The following NSD2 variants were observed in gnomAD, a reference collection of about 807,000 sequenced individuals.
The protein encoded by NSD2 is nuclear receptor binding SET domain protein 2.
NSD2 carries 12 observed loss-of-function variants against 139.0 expected under a neutral mutation model. That is an observed-to-expected ratio of 0.09 (90% CI 0.06 to 0.14). The LOEUF (loss-of-function observed/expected upper bound fraction) is 0.14. Among genes scored for constraint, NSD2 ranks in the 10% least tolerant of loss-of-function variants. NSD2 has a pLI of 1.00. For missense variants in NSD2, 1,155 were observed against 1,745.0 expected, an observed-to-expected ratio of 0.66 and a Z score of 6.02; for synonymous variants, 669 against 648.7, an observed-to-expected ratio of 1.03 and a Z score of -0.48.
chr4:1,891,799 G>A (rs1438311360), intron 1 of NSD2, among the ~76,000 whole-genome samples: 1 of 150,798 alleles, frequency 6.6e-6, no homozygotes, highest in Non-Finnish European at 1.5e-5. Flanking sequence ...GGAGCTTGCA[G>A]TGAGCCGAGA....
chr4:1,873,783 A>G (rs1250354652), intron 1 of NSD2, among the ~76,000 whole-genome samples: 2 of 101,160 alleles, frequency 2.0e-5, no homozygotes, highest in East Asian at 1.0e-3. Context: ...TCTCTTTACC[A>G]AGCAAGAACT....
intron 9 of NSD2, chr4:1,940,056 C>G: frequency 7.7e-7 from 1 of 1,299,684 alleles, no homozygotes. Flanking sequence ...TTCTTAAAAT[C>G]TGTCTGAAGA....
At chr4:1,896,312 G>A (rs1716293026) in intron 1 of NSD2, among the ~76,000 whole-genome samples, 1 of 152,244 alleles carries the variant, frequency 6.6e-6, no homozygotes, top group African/African-American at 2.4e-5. Flanking sequence ...GCAGCCTGCA[G>A]CCTATGAGGC....
At chr4:1,943,817 T>TAG (rs1560722010) in intron 9 of NSD2, 213 of 1,062,310 alleles carry the variant, frequency 2.0e-4, no homozygotes, top group Non-Finnish European at 2.2e-4. Context: ...AAGTAAAGAC[T>TAG]CTATCTTGAA....
chr4:1,946,921 C>A, intron 9 of NSD2: 1 of 1,059,184 alleles, frequency 9.4e-7, no homozygotes. Context: ...TTCTAGCCTA[C>A]CTATAGTTGT....
chr4:1,886,735 G>T (rs1480637116), intron 1 of NSD2, among the ~76,000 whole-genome samples: 1 of 152,078 alleles, frequency 6.6e-6, no homozygotes, highest in East Asian at 1.9e-4. Flanking sequence ...CTACTCAGGA[G>T]GCTGAGGCAG....
chr4:1,940,864 G>A (rs1723020287), intron 9 of NSD2: 1 of 1,057,522 alleles, frequency 9.5e-7, no homozygotes, highest in Non-Finnish European at 1.1e-6. Flanking sequence ...ACCTGGGCGG[G>A]GCTCATAGAG....
intron 3 of NSD2, among the ~76,000 whole-genome samples, chr4:1,915,238 C>T (rs888078982): frequency 4.6e-5 from 7 of 151,054 alleles, no homozygotes; most frequent in African/African-American, 1.7e-4. Flanking sequence ...GCCTCAGCCT[C>T]CTGTGTAGCT....
At chr4:1,913,921 G>A (rs1719019178) in intron 3 of NSD2, among the ~76,000 whole-genome samples, 1 of 152,174 alleles carries the variant, frequency 6.6e-6, no homozygotes, top group African/African-American at 2.4e-5. Flanking sequence ...GTTCTATGCT[G>A]TGTTCTTTCT....
rs540472845 is a variant in NSD2 at position 1,959,750 on chromosome 4, G to A, written c.3255+10G>A. 6.3e-5 allele frequency: 101 copies of A among 1,608,700 alleles called. No homozygotes were observed. The highest frequency in any genetic ancestry group is 4.4e-4 in the African/African-American group (33 of 74,926). On this transcript the variant is annotated intron_variant, in intron 17 of 21. Transcript: ENST00000508803. ...GAGGGACATCAGAAAGGTATGTGTCGTTATCCCCTCCCCTGCTTTTGAGAA... is the reference window on the plus strand; with the variant it reads ...GAGGGACATCAGAAAGGTATGTGTCATTATCCCCTCCCCTGCTTTTGAGAA...
In NSD2 at chr4:1,974,122, T is replaced by C. The variant is rs935834680; in HGVS notation, c.3373-741T>C. Among the ~76,000 whole-genome samples, 1 of 152,194 alleles carries C rather than the reference T, an allele frequency of 6.6e-6. No individual in the cohort carries two copies. Among genetic ancestry groups the C allele is most frequent in the Non-Finnish European group, 1.5e-5 (1 of 68,020 alleles). ...CCATGGGTGCAAAGTCAGAGCTCAC[T>C]GTCACTCGGATCTGCATTTCTCCAC... On this transcript the variant is annotated intron_variant, in intron 18 of 21. Transcript: ENST00000508803. This position sits in a 1 kb window ranked among gnomAD's most constrained non-coding sequence, Gnocchi z 4.0.
chr4:1,974,804 C>T lies in NSD2; in HGVS notation c.3373-59C>T, dbSNP rs1383628917. 1.2e-6 allele frequency: 2 copies of T among 1,608,020 alleles called. No homozygotes were observed. The highest frequency in any genetic ancestry group is 4.5e-5 in the East Asian group (2 of 44,786). On this transcript the variant is annotated intron_variant, in intron 18 of 21. Coordinates refer to ENST00000508803, the MANE Select transcript of NSD2 (RefSeq NM_001042424.3). This position sits in a 1 kb window ranked among gnomAD's most constrained non-coding sequence, Gnocchi z 4.0. Reference sequence around the variant, plus strand: ...ATGTGCTTTATGATGGTGAAAATTCCCTTTAAAAATAACATGCGATTGCTA... The same window carrying T: ...ATGTGCTTTATGATGGTGAAAATTCTCTTTAAAAATAACATGCGATTGCTA...
chr4:1,933,450 C>T (rs1295302346), intron 6 of NSD2, among the ~76,000 whole-genome samples: 1 of 152,204 alleles, frequency 6.6e-6, no homozygotes, highest in Non-Finnish European at 1.5e-5. Context: ...AGTGCAGTGG[C>T]GCGATCTCGG....
chr4:1,882,539 C>T lies in NSD2; in HGVS notation c.-30+10997C>T, dbSNP rs571649417. Among the ~76,000 whole-genome samples, 127 of 152,274 alleles carry T rather than the reference C, an allele frequency of 8.3e-4. 2 individuals carry two copies. In the South Asian group the frequency reaches 0.024, roughly 29 times the overall value. On this transcript the variant is annotated intron_variant, in intron 1 of 21. Coordinates refer to ENST00000508803, the MANE Select transcript of NSD2 (RefSeq NM_001042424.3). ...ATTATCTGGGCGTGGTGGCGGGCGC[C>T]TGTAGTCCCAGCTACTCGGGAGGCT... is the stretch of plus-strand genomic sequence containing the variant.
At chr4:1,944,192 C>A in intron 9 of NSD2, 1 of 1,066,094 alleles carries the variant, frequency 9.4e-7, no homozygotes, top group Non-Finnish European at 1.1e-6. Context: ...CAGCATTGTC[C>A]CACTTCAGAT....
At chr4:1,945,563 C>T (rs1003173757) in intron 9 of NSD2, 40 of 1,065,414 alleles carry the variant, frequency 3.8e-5, no homozygotes, top group East Asian at 9.9e-5. Context: ...TGAGAAGGCT[C>T]TTGCCAGAAG....
At chr4:1,947,890 G>C in intron 9 of NSD2, 1 of 1,055,576 alleles carries the variant, frequency 9.5e-7, no homozygotes, top group Non-Finnish European at 1.1e-6. Flanking sequence ...ACTCTGAAGA[G>C]TAGGTGAGCG....
Position 1,873,990 on chromosome 4 carries a change from A to T in NSD2, c.-30+2448A>T, listed in dbSNP as rs185122539. ...GTGATTCTCCCGCCTCAGCCTCCTG[A>T]GTAGTGGTTACTACAGGCACACTCA... On this transcript the variant is annotated intron_variant, in intron 1 of 21. Transcript: ENST00000508803. Among the ~76,000 whole-genome samples, 695 of 152,252 alleles carry T rather than the reference A, an allele frequency of 4.6e-3. 6 individuals carry two copies. The highest frequency in any genetic ancestry group is 0.016 in the African/African-American group (674 of 41,552).
intron 1 of NSD2, among the ~76,000 whole-genome samples, chr4:1,890,890 C>T (rs1196807143): frequency 2.6e-5 from 4 of 152,030 alleles, no homozygotes; most frequent in African/African-American, 9.7e-5. Flanking sequence ...AGCCACCACG[C>T]CCGGCCTTTT....
Sources: gnomAD v4.1 joint callset for allele counts (sites outside exome capture counted in the v4.1 genomes callset) on GRCh38, gnomAD v4.1.1 for gene constraint, Gnocchi (gnomAD v3.1) non-coding constraint, MANE v1.5 for transcripts, NCBI Gene and HGNC (gene_info 2026-07-23, HGNC 2026-07-21) for gene names.